VSTM4: variants seen among roughly 807,000 people sequenced by gnomAD.
VSTM4 encodes the protein V-set and transmembrane domain containing 4, also known as V-set and transmembrane domain-containing protein 4.
Under a neutral mutation model 36.4 loss-of-function variants are expected in VSTM4, and 20 were observed. The ratio of observed to expected loss-of-function variants is 0.55; its 90% CI spans 0.39 to 0.80. The LOEUF (loss-of-function observed/expected upper bound fraction) is 0.80, where lower values mean the gene tolerates loss of function less well. Ranked by LOEUF, VSTM4 falls within the 30% of genes least tolerant of loss-of-function variation. The pLI is 0.00. For synonymous variants in VSTM4, 182 were observed against 173.9 expected (o/e 1.05, Z -0.37); for missense variants, 392 against 404.5 (o/e 0.97, Z 0.26).
At chr10:49,021,469 A>G (rs541634119) in intron 7 of VSTM4, among the ~76,000 whole-genome samples, 2 of 152,214 alleles carry the variant, frequency 1.3e-5, no homozygotes, top group African/African-American at 4.8e-5. Context: ...AATGAGGAAG[A>G]TATTTATATC....
intron 1 of VSTM4, among the ~76,000 whole-genome samples, chr10:49,109,483 G>C (rs1336165953): frequency 7.4e-6 from 1 of 135,870 alleles, no homozygotes; most frequent in African/African-American, 2.6e-5. Flanking sequence ...GATGATTTCA[G>C]GATCATTTTT....
chr10:49,085,189 G>T (rs1844348478), intron 3 of VSTM4, among the ~76,000 whole-genome samples: 1 of 152,256 alleles, frequency 6.6e-6, no homozygotes, highest in East Asian at 1.9e-4. Context: ...TTTGGAACAA[G>T]CTCCCAGGTG....
At position 49,115,420 on chromosome 10, in the gene VSTM4, G is replaced by A. The variant is rs1844978163; in HGVS notation, c.55+11C>T. 3.9e-6 allele frequency: 4 copies of A among 1,031,742 alleles called. No individual in the cohort carries two copies. The highest frequency in any genetic ancestry group is 4.9e-5 in the Admixed American group (1 of 20,460). The allele number at this position is 1,031,742 out of a possible 1,614,324, so 63.9% of individuals were successfully genotyped here. On this transcript the variant is annotated intron_variant, in intron 1 of 7. Transcript: ENST00000332853. ...ACCCTTCCCGCTCCCGCCTGGCCCCGCCGCGCTTACCCGGAGCCGGAGCCC... is the reference window on the plus strand; with the variant it reads ...ACCCTTCCCGCTCCCGCCTGGCCCCACCGCGCTTACCCGGAGCCGGAGCCC...
In VSTM4 at chr10:49,109,125, A is replaced by AC. The variant is rs943663191; in HGVS notation, c.56-1131dup. On this transcript the variant is annotated intron_variant, in intron 1 of 7. Transcript: ENST00000332853. The stretch of plus-strand genomic sequence containing the variant: ...TCACTCCAGGAAGCCATTCGCCTCC[A>AC]CCCCCCCACACAAGCAGGTGTCCCC... Among the ~76,000 whole-genome samples, 28 of 150,902 alleles carry AC rather than the reference A, an allele frequency of 1.9e-4. No individual in the cohort carries two copies. In the South Asian group the frequency reaches 2.1e-3, roughly 11 times the overall value.
intron 2 of VSTM4, among the ~76,000 whole-genome samples, chr10:49,088,437 C>T (rs547600908): frequency 1.3e-5 from 2 of 152,314 alleles, no homozygotes; most frequent in South Asian, 4.1e-4. Flanking sequence ...CTGCTCAATA[C>T]CCATAGCCCC....
chr10:49,047,105 A>G (rs1335595202), intron 6 of VSTM4, 61 bp from the exon 7 acceptor site: 2 of 1,496,742 alleles, frequency 1.3e-6, no homozygotes, highest in Non-Finnish European at 1.9e-6. Context: ...GTGGCCACAC[A>G]TTATGAGCAT....
At chr10:49,102,599 A>G (rs771661581) in intron 2 of VSTM4, 28 of 985,318 alleles carry the variant, frequency 2.8e-5, no homozygotes, top group Non-Finnish European at 3.3e-5. Flanking sequence ...GAAGGCATTG[A>G]TGGAAGATGA....
chr10:49,071,176 A>G (rs1844072684), intron 4 of VSTM4, among the ~76,000 whole-genome samples: 1 of 152,220 alleles, frequency 6.6e-6, no homozygotes, highest in Admixed American at 6.5e-5. Flanking sequence ...GAGTACAGAG[A>G]AAGAAGCCAG....
Position 49,019,446 on chromosome 10 carries a change from G to T in VSTM4, c.*204C>A. The T allele has an allele frequency of 1.9e-6, 1 of 521,806 alleles. No individual in the cohort carries two copies. Among genetic ancestry groups the T allele is most frequent in the Non-Finnish European group, 2.9e-6 (1 of 345,832 alleles). 32.3% of individuals were successfully genotyped at this position (521,806 alleles called of 1,614,324 possible). A position where few individuals can be genotyped will look rare whatever the true frequency, so the allele number is the denominator to read the frequency against. On this transcript the variant is annotated 3_prime_UTR_variant, in exon 8 of 8. Transcript: ENST00000332853. ...CAAACCCAGGCGCATCTTGTCCCGG[G>T]AGATCTGTCAAGAGCTGTGGCCCCG...
chr10:49,107,741 C>T lies in VSTM4; in HGVS notation c.310G>A (p.Glu104Lys), dbSNP rs776872945. Residue 104 changes from glutamate (E) to lysine (K), a missense_variant, in exon 2 of 8, where the codon GAG (glutamate) becomes AAG (lysine). Physicochemically the swap from Glu to Lys is moderately conservative, Grantham distance 56 (BLOSUM62 1). Transcript: ENST00000332853. ...AGCCTGTAGAGCGCCCCCCGCTGCT[C>T]CTCCAGCAGGCGCAGCCTCCGCCGT... is the stretch of plus-strand genomic sequence containing the variant. Reference protein sequence around the residue: ...AKRRRLRLLEEQRGALYRLSV... With the variant: ...AKRRRLRLLEKQRGALYRLSV... 1.1e-5 allele frequency: 17 copies of T among 1,614,092 alleles called. 1 individual carries two copies. The South Asian group carries it at 1.9e-4, about 18-fold the overall frequency.
Position 49,048,535 on chromosome 10 carries a change from T to G in VSTM4, c.718A>C (p.Lys240Gln). 1 of 1,598,496 alleles carries G rather than the reference T, an allele frequency of 6.3e-7. No individual in the cohort carries two copies. Among genetic ancestry groups the G allele is most frequent in the Non-Finnish European group, 8.5e-7 (1 of 1,174,194 alleles). The change falls in exon 6 of 8, where the codon AAG becomes CAG. Residue 240 changes from lysine (K) to glutamine (Q), a missense_variant. Coordinates refer to ENST00000332853, the MANE Select transcript of VSTM4 (RefSeq NM_001031746.5). ...TTCTCCTTCTGCCTCTTGCCCTTCT[T>G]GGGCTGTAGTGGGGCCAAGCTGGTC... ...SVTSLAPLQPKKGKRQKEKPD... is the reference protein window; with the variant it reads ...SVTSLAPLQPQKGKRQKEKPD...
intron 2 of VSTM4, among the ~76,000 whole-genome samples, chr10:49,098,677 A>G (rs552546749): frequency 6.6e-6 from 1 of 152,274 alleles, no homozygotes; most frequent in East Asian, 1.9e-4. Context: ...CCGCCCCCAC[A>G]TAAACCACCA....
At position 49,018,477 on chromosome 10, in the gene VSTM4, A is replaced by C. The variant is rs752125940; in HGVS notation, c.*1173T>G. ...AAAATAGATAATTTATCATATATAC[A>C]TGGTCCACTACATAGTCAAACAATT... On this transcript the variant is annotated 3_prime_UTR_variant, in exon 8 of 8. Coordinates refer to ENST00000332853, the MANE Select transcript of VSTM4 (RefSeq NM_001031746.5). The C allele has an allele frequency of 6.6e-6, 1 of 152,342 alleles. No individual in the cohort carries two copies. The highest frequency in any genetic ancestry group is 2.1e-4 in the South Asian group (1 of 4,828). The allele number at this position is 152,342 out of a possible 1,614,324, so 9.4% of individuals were successfully genotyped here.
In VSTM4 at chr10:49,076,682, G is replaced by C. The variant is rs1183102228; in HGVS notation, c.634+537C>G. Among the ~76,000 whole-genome samples the C allele has an allele frequency of 2.6e-5, 4 of 152,212 alleles. No individual in the cohort carries two copies. The East Asian group carries it at 7.7e-4, about 29-fold the overall frequency. On this transcript the variant is annotated intron_variant, in intron 4 of 7. Coordinates refer to ENST00000332853, the MANE Select transcript of VSTM4 (RefSeq NM_001031746.5). ...CTACACTTTCCTGAGAGGAAGGCAG[G>C]AAGGGGCTGAAGGCAGAGTGCAGAG...
chr10:49,027,330 G>GC (rs1411386732), intron 7 of VSTM4, among the ~76,000 whole-genome samples: 1 of 152,124 alleles, frequency 6.6e-6, no homozygotes, highest in Non-Finnish European at 1.5e-5. Context: ...TGTGTGCCAG[G>GC]CCCCCCACGC....
intron 2 of VSTM4, among the ~76,000 whole-genome samples, chr10:49,105,267 CAG>C (rs1482871154): frequency 9.4e-6 from 1 of 106,014 alleles, no homozygotes; most frequent in African/African-American, 3.7e-5. Context: ...AAGCCAGAAA[CAG>C]AGAGACAGAG....
chr10:49,084,585 T>TA (rs1844337360), intron 3 of VSTM4, among the ~76,000 whole-genome samples: 1 of 152,206 alleles, frequency 6.6e-6, no homozygotes, highest in South Asian at 2.1e-4. Flanking sequence ...TACAATGGGT[T>TA]AACAAAGGGT....
At chr10:49,040,488 A>T (rs1340244888) in intron 7 of VSTM4, among the ~76,000 whole-genome samples, 1 of 151,772 alleles carries the variant, frequency 6.6e-6, no homozygotes. Context: ...GTTTCACGAT[A>T]TTGGCCGGGC....
At position 49,077,713 on chromosome 10, in the gene VSTM4, A is replaced by G. The variant is rs756786323; in HGVS notation, c.527-387T>C. ...TAAAATGTAAGCTAGAAGACTTCAGAAAAAACCCACAAGAAAAATCTTTGG... is the reference window on the plus strand; with the variant it reads ...TAAAATGTAAGCTAGAAGACTTCAGGAAAAACCCACAAGAAAAATCTTTGG... On this transcript the variant is annotated intron_variant, in intron 3 of 7. Transcript: ENST00000332853. Among the ~76,000 whole-genome samples, 82 of 141,572 alleles carry G rather than the reference A, an allele frequency of 5.8e-4. 1 individual carries two copies. Among genetic ancestry groups the G allele is most frequent in the South Asian group, 2.2e-3 (10 of 4,562 alleles). The allele number at this position is 141,572 out of a possible 152,430, so 92.9% of individuals were successfully genotyped here.
Sources: gnomAD v4.1 joint callset for allele counts (sites outside exome capture counted in the v4.1 genomes callset) on GRCh38, gnomAD v4.1.1 for gene constraint, MANE v1.5 for transcripts, NCBI Gene and HGNC (gene_info 2026-07-23, HGNC 2026-07-21) for gene names.